Variants in PIBF1 observed in about 807,000 individuals in gnomAD.
The protein encoded by PIBF1 is progesterone immunomodulatory binding factor 1.
A neutral mutation model predicts 112.5 loss-of-function variants in PIBF1; 90 were observed. That is an observed-to-expected ratio of 0.80 (90% CI 0.67 to 0.95). The LOEUF is 0.95. PIBF1 is among the 40% of genes least tolerant of loss of function. The pLI is 0.00. For synonymous variants in PIBF1, 301 were observed against 288.6 expected (o/e 1.04, Z -0.44); for missense variants, 915 against 852.3 (o/e 1.07, Z -0.92).
At chr13:72,796,427 A>C (rs1178142368) in intron 4 of PIBF1, among the ~76,000 whole-genome samples, 1 of 152,090 alleles carries the variant, frequency 6.6e-6, no homozygotes, top group Non-Finnish European at 1.5e-5. Flanking sequence ...TTAATCCCTA[A>C]AAAGGGTTAA....
chr13:73,010,810 CTTTTTTTTTTTTT>C (rs1176079981), intron 17 of PIBF1, among the ~76,000 whole-genome samples: 1,200 of 40,410 alleles, frequency 0.03, 42 homozygotes, highest in Middle Eastern at 0.11. Flanking sequence ...ATTAACTTTT[CTTTTTTTTTTTTT>C]TTTTTTTTTT....
At chr13:72,837,856 T>C (rs1192860525) in intron 9 of PIBF1, among the ~76,000 whole-genome samples, 1 of 152,200 alleles carries the variant, frequency 6.6e-6, no homozygotes, top group Non-Finnish European at 1.5e-5. Flanking sequence ...CACTTAGTTG[T>C]CCCTTCATGT....
rs116748890 is a variant in PIBF1 at position 72,801,747 on chromosome 13, G to A, written c.672+3721G>A. On this transcript the variant is annotated intron_variant, in intron 5 of 17. Coordinates refer to ENST00000326291, the MANE Select transcript of PIBF1 (RefSeq NM_006346.4). ...GAATCACAATAAAAAGTGATTTCTC[G>A]CAGTTCTGGCATATTATTTTTCATC... is the stretch of plus-strand genomic sequence containing the variant. Among the ~76,000 whole-genome samples, 817 of 152,202 alleles carry A rather than the reference G, an allele frequency of 5.4e-3. 15 individuals are homozygous for A. The highest frequency in any genetic ancestry group is 0.018 in the African/African-American group (762 of 41,526).
intron 10 of PIBF1, among the ~76,000 whole-genome samples, chr13:72,858,924 T>G (rs1226257551): frequency 6.6e-6 from 1 of 152,184 alleles, no homozygotes; most frequent in Non-Finnish European, 1.5e-5. Flanking sequence ...AACATATTAG[T>G]AGATTACATT....
chr13:72,851,562 G>A (rs537913999), intron 9 of PIBF1, among the ~76,000 whole-genome samples: 7 of 152,336 alleles, frequency 4.6e-5, no homozygotes, highest in Middle Eastern at 3.4e-3. Context: ...CAGGCTGGGC[G>A]CCAGGTTACA....
chr13:72,858,975 G>A (rs930932366), intron 10 of PIBF1, among the ~76,000 whole-genome samples: 1 of 152,034 alleles, frequency 6.6e-6, no homozygotes, highest in African/African-American at 2.4e-5. Context: ...ATAATTTGAT[G>A]CAATCTTACA....
At chr13:72,811,680 A>G (rs1320510805) in intron 5 of PIBF1, among the ~76,000 whole-genome samples, 1 of 152,174 alleles carries the variant, frequency 6.6e-6, no homozygotes, top group Non-Finnish European at 1.5e-5. Flanking sequence ...AATATATTTA[A>G]CATATTCAAG....
chr13:72,905,228 CG>C (rs1403796124), intron 11 of PIBF1, among the ~76,000 whole-genome samples: 3 of 151,954 alleles, frequency 2.0e-5, no homozygotes, highest in Non-Finnish European at 4.4e-5. Flanking sequence ...CCACAACACC[CG>C]GCTAATTTTT....
At chr13:72,817,213 T>A (rs2036315269) in intron 5 of PIBF1, among the ~76,000 whole-genome samples, 1 of 152,220 alleles carries the variant, frequency 6.6e-6, no homozygotes, top group Non-Finnish European at 1.5e-5. Flanking sequence ...TATTAAAGAT[T>A]TATTTTGAAA....
intron 10 of PIBF1, among the ~76,000 whole-genome samples, chr13:72,862,059 A>G (rs887713689): frequency 6.6e-6 from 1 of 152,202 alleles, no homozygotes; most frequent in African/African-American, 2.4e-5. Flanking sequence ...GACAGACAGT[A>G]TATATTCATC....
chr13:72,805,436 C>A (rs2035684245), intron 5 of PIBF1, among the ~76,000 whole-genome samples: 1 of 152,204 alleles, frequency 6.6e-6, no homozygotes, highest in African/African-American at 2.4e-5. Context: ...GCCACCACAC[C>A]TGGCCTGAAG....
rs189405254 is a variant in PIBF1, at chr13:72,831,862, A to G, written c.1098-3381A>G. 2.6e-5 allele frequency among the ~76,000 whole-genome samples: 4 copies of G among 152,202 alleles called. No homozygotes were observed. The East Asian group carries it at 7.7e-4, about 29-fold the overall frequency. Reference sequence around the variant, plus strand: ...CAGCGGGGTGTTAAAGTTTCCCACCATTATTGTATGAGAGTCTAAGTCTGT... The same window carrying G: ...CAGCGGGGTGTTAAAGTTTCCCACCGTTATTGTATGAGAGTCTAAGTCTGT... On this transcript the variant is annotated intron_variant, in intron 8 of 17. Coordinates refer to ENST00000326291, the MANE Select transcript of PIBF1 (RefSeq NM_006346.4).
chr13:72,917,436 G>A lies in PIBF1; in HGVS notation c.1730+270G>A, dbSNP rs548948751. Among the ~76,000 whole-genome samples the A allele has an allele frequency of 1.6e-4, 24 of 151,990 alleles. No homozygotes were observed. In the Middle Eastern group the frequency reaches 0.017, roughly 108 times the overall value. ...TTTTATTTTCACATTAATTTCAGAT[G>A]AGCTACAAATGCTTTGTATCAAGAA... On this transcript the variant is annotated intron_variant, in intron 13 of 17. Coordinates refer to ENST00000326291, the MANE Select transcript of PIBF1 (RefSeq NM_006346.4).
At chr13:72,843,536 C>T (rs1437310997) in intron 9 of PIBF1, among the ~76,000 whole-genome samples, 1 of 152,184 alleles carries the variant, frequency 6.6e-6, no homozygotes, top group African/African-American at 2.4e-5. Flanking sequence ...CTCAGCCTCC[C>T]AGGTAGCTGG....
intron 14 of PIBF1, among the ~76,000 whole-genome samples, chr13:72,951,727 ATGTGTC>A (rs553865188): frequency 3.6e-4 from 55 of 152,226 alleles, no homozygotes; most frequent in African/African-American, 1.3e-3. Context: ...GCATAATGAC[ATGTGTC>A]TGTCATTATA....
chr13:72,795,359 C>A lies in PIBF1; in HGVS notation c.354C>A (p.Ser118Arg), dbSNP rs2035139368. 6.4e-7 allele frequency: 1 copy of A among 1,562,150 alleles called. No individual in the cohort carries two copies. Among genetic ancestry groups the A allele is most frequent in the South Asian group, 1.2e-5 (1 of 85,266 alleles). Residue 118 changes from serine (S) to arginine (R), a missense_variant and splice_region_variant, in exon 4 of 18, where the codon AGC becomes AGA. By Grantham distance (110) the Ser-to-Arg change is moderately radical. Transcript: ENST00000326291. ...TGCCATAAATTCTCTTCTAATGTAGCAAATATCAAGAATTAATGAAACAAG... is the reference window on the plus strand; with the variant it reads ...TGCCATAAATTCTCTTCTAATGTAGAAAATATCAAGAATTAATGAAACAAG... ...NQLAFQQKDA[S>R]KYQELMKQEM...
chr13:72,944,314 G>T (rs1181432617), intron 14 of PIBF1, among the ~76,000 whole-genome samples: 1 of 152,006 alleles, frequency 6.6e-6, no homozygotes, highest in South Asian at 2.1e-4. Context: ...GGGCGTGGTT[G>T]TGGGCACCTG....
chr13:72,985,837 C>T (rs986363337), intron 16 of PIBF1, among the ~76,000 whole-genome samples: 1 of 151,934 alleles, frequency 6.6e-6, no homozygotes, highest in Non-Finnish European at 1.5e-5. Flanking sequence ...CAACAAAACC[C>T]ATCAAACACT....
chr13:72,923,987 AG>A, intron 13 of PIBF1, among the ~76,000 whole-genome samples: 1 of 152,172 alleles, frequency 6.6e-6, no homozygotes, highest in East Asian at 1.9e-4. Context: ...TTTTAAATAA[AG>A]ATCTTAGGAC....
Sources: allele counts gnomAD v4.1 joint callset (sites outside exome capture counted in the v4.1 genomes callset), GRCh38; gene constraint gnomAD v4.1.1; transcripts MANE v1.5; gene names NCBI Gene and HGNC (gene_info 2026-07-23, HGNC 2026-07-21).